Variants in SGCZ observed in about 807,000 individuals in gnomAD.
SGCZ encodes sarcoglycan zeta.
In SGCZ, 40 loss-of-function variants were observed where a neutral mutation model predicts 41.3. That is an observed-to-expected ratio of 0.97 (90% CI 0.75 to 1.26). The LOEUF (loss-of-function observed/expected upper bound fraction) is 1.26. SGCZ is among the 50% of genes most tolerant of loss of function. The probability of loss-of-function intolerance (pLI) is 0.00; values close to 1 mark genes in which losing one functional copy is unlikely to be tolerated. For synonymous variants in SGCZ, 206 were observed against 137.5 expected (o/e 1.50, Z -3.49); for missense variants, 552 against 369.8 (o/e 1.49, Z -4.04).
chr8:14,517,557 T>A (rs1802659773), intron 2 of SGCZ, among the ~76,000 whole-genome samples: 1 of 152,162 alleles, frequency 6.6e-6, no homozygotes, highest in South Asian at 2.1e-4. Context: ...TGTGCTTTAG[T>A]TTTCTTATAT....
intron 1 of SGCZ, among the ~76,000 whole-genome samples, chr8:14,891,765 T>C (rs930011428): frequency 1.3e-5 from 2 of 152,220 alleles, no homozygotes; most frequent in Admixed American, 6.5e-5. Context: ...GCAGACTTTA[T>C]TGTCTTATTT....
chr8:14,140,972 A>G (rs1390754233), intron 5 of SGCZ, among the ~76,000 whole-genome samples: 1 of 152,128 alleles, frequency 6.6e-6, no homozygotes, highest in Non-Finnish European at 1.5e-5. Flanking sequence ...ACCAAAACTG[A>G]TCTATAGACC....
chr8:14,339,066 G>A (rs551937941), intron 2 of SGCZ, among the ~76,000 whole-genome samples: 1 of 152,002 alleles, frequency 6.6e-6, no homozygotes, highest in South Asian at 2.1e-4. Flanking sequence ...AGTAAAAAAG[G>A]ATATTCATGT....
intron 1 of SGCZ, among the ~76,000 whole-genome samples, chr8:15,028,998 A>T (rs1202486188): frequency 6.6e-6 from 1 of 152,098 alleles, no homozygotes; most frequent in East Asian, 1.9e-4. Flanking sequence ...TGATGAACTA[A>T]AAGTCACCCT....
chr8:14,498,286 G>T (rs895687037), intron 2 of SGCZ, among the ~76,000 whole-genome samples: 1 of 151,942 alleles, frequency 6.6e-6, no homozygotes, highest in African/African-American at 2.4e-5. Context: ...ATTTTAAATG[G>T]AATTTTTTGG....
chr8:14,710,896 C>T (rs1027605148), intron 1 of SGCZ, among the ~76,000 whole-genome samples: 24 of 151,932 alleles, frequency 1.6e-4, no homozygotes, highest in African/African-American at 5.1e-4. Context: ...AAACGAAGAC[C>T]GAATACACAA....
chr8:14,941,792 T>C (rs1327473034), intron 1 of SGCZ, among the ~76,000 whole-genome samples: 1 of 151,698 alleles, frequency 6.6e-6, no homozygotes, highest in African/African-American at 2.4e-5. Flanking sequence ...TTAACATATG[T>C]TACATGTCAT....
At chr8:14,924,145 T>C (rs1464378828) in intron 1 of SGCZ, among the ~76,000 whole-genome samples, 2 of 152,230 alleles carry the variant, frequency 1.3e-5, no homozygotes, top group Admixed American at 1.3e-4. Flanking sequence ...CTAAAAATCC[T>C]TTAGTCTTTA....
intron 1 of SGCZ, among the ~76,000 whole-genome samples, chr8:14,571,540 T>C (rs1224982688): frequency 6.6e-6 from 1 of 152,180 alleles, no homozygotes; most frequent in East Asian, 1.9e-4. Context: ...TTTCCAAAGC[T>C]TGATTTTAGA....
At chr8:15,222,906 G>A (rs1801651655) in intron 1 of SGCZ, among the ~76,000 whole-genome samples, 1 of 152,080 alleles carries the variant, frequency 6.6e-6, no homozygotes, top group Non-Finnish European at 1.5e-5. Flanking sequence ...ATGTAAAACT[G>A]ATAATTGCCA....
intron 5 of SGCZ, among the ~76,000 whole-genome samples, chr8:14,128,851 A>T (rs1802945917): frequency 6.6e-6 from 1 of 151,996 alleles, no homozygotes; most frequent in Non-Finnish European, 1.5e-5. Context: ...CAAAGTCAAA[A>T]ACGACATATT....
chr8:15,047,616 T>C (rs1487685016), intron 1 of SGCZ, among the ~76,000 whole-genome samples: 2 of 151,984 alleles, frequency 1.3e-5, no homozygotes, highest in Non-Finnish European at 2.9e-5. Flanking sequence ...TCAGGAGTGT[T>C]TATGCCAATG....
At chr8:15,160,071 T>C (rs114795459) in intron 1 of SGCZ, among the ~76,000 whole-genome samples, 6,485 of 152,090 alleles carry the variant, frequency 0.043, 331 homozygotes, top group African/African-American at 0.12. Context: ...CATTTTTAAG[T>C]GTACAGTTCA....
chr8:14,946,676 T>A (rs895974567), intron 1 of SGCZ, among the ~76,000 whole-genome samples: 1 of 36,790 alleles, frequency 2.7e-5, no homozygotes, highest in Admixed American at 2.8e-4. Flanking sequence ...GAAATCTGTA[T>A]TTTTTTTTTT....
chr8:15,006,717 T>C (rs1802617579), intron 1 of SGCZ, among the ~76,000 whole-genome samples: 2 of 152,106 alleles, frequency 1.3e-5, no homozygotes, highest in Admixed American at 6.5e-5. Flanking sequence ...TTAGACTCTA[T>C]AAAAAAATCT....
At chr8:14,789,581 T>C (rs1800882986) in intron 1 of SGCZ, among the ~76,000 whole-genome samples, 1 of 152,200 alleles carries the variant, frequency 6.6e-6, no homozygotes, top group Non-Finnish European at 1.5e-5. Context: ...AGACCTTTCA[T>C]TCTTTCTCCT....
chr8:14,498,732 T>C (rs1802063542), intron 2 of SGCZ, among the ~76,000 whole-genome samples: 1 of 152,114 alleles, frequency 6.6e-6, no homozygotes, highest in African/African-American at 2.4e-5. Flanking sequence ...GTGTTACTCA[T>C]AAGTTCAGAA....
At chr8:14,934,979 T>A (rs1800038059) in intron 1 of SGCZ, among the ~76,000 whole-genome samples, 1 of 140,906 alleles carries the variant, frequency 7.1e-6, no homozygotes, top group African/African-American at 2.7e-5. Flanking sequence ...GAGTTATTCA[T>A]CCACAATAAA....
intron 3 of SGCZ, among the ~76,000 whole-genome samples, chr8:14,297,449 G>T (rs1008526546): frequency 6.6e-6 from 1 of 151,332 alleles, no homozygotes; most frequent in Admixed American, 6.6e-5. Context: ...AAAGGGAAAA[G>T]TATCAAAAAC....
Sources: gnomAD v4.1 joint callset for allele counts (sites outside exome capture counted in the v4.1 genomes callset) on GRCh38, gnomAD v4.1.1 for gene constraint, MANE v1.5 for transcripts, NCBI Gene and HGNC (gene_info 2026-07-23, HGNC 2026-07-21) for gene names.